Variants in RNF216 observed in about 807,000 individuals in gnomAD.
The protein encoded by RNF216 is E3 ubiquitin-protein ligase RNF216.
Under a neutral mutation model 110.8 loss-of-function variants are expected in RNF216, and 72 were observed. The ratio of observed to expected loss-of-function variants is 0.65; its 90% confidence interval spans 0.54 to 0.79. The LOEUF is 0.79. Ranked by LOEUF, RNF216 falls within the 30% of genes least tolerant of loss-of-function variation. RNF216 has a pLI of 0.00. For synonymous variants in RNF216, 495 were observed against 407.5 expected (o/e 1.21, Z -2.59); for missense variants, 1,342 against 1,141.2 (o/e 1.18, Z -2.54).
chr7:5,768,468 G>C (rs1478565147), intron 1 of RNF216, among the ~76,000 whole-genome samples: 3 of 150,752 alleles, frequency 2.0e-5, no homozygotes, highest in African/African-American at 7.3e-5. Flanking sequence ...TACTATCAAA[G>C]AGCTTGACCT....
At chr7:5,745,161 T>C (rs1381024240) in intron 3 of RNF216, among the ~76,000 whole-genome samples, 1 of 152,070 alleles carries the variant, frequency 6.6e-6, no homozygotes. Context: ...ACTACTACAT[T>C]ACAATGCCAC....
intron 13 of RNF216, among the ~76,000 whole-genome samples, chr7:5,653,889 C>G (rs902459750): frequency 4.6e-5 from 7 of 152,164 alleles, no homozygotes; most frequent in Non-Finnish European, 1.0e-4. Context: ...ATGTTCAGTT[C>G]CTATGGCTGG....
At chr7:5,683,034 G>A (rs1040153806) in intron 13 of RNF216, among the ~76,000 whole-genome samples, 1 of 152,144 alleles carries the variant, frequency 6.6e-6, no homozygotes, top group African/African-American at 2.4e-5. Context: ...CCTTAAGAAT[G>A]CAGAAAGTGC....
chr7:5,727,613 T>TC (rs1306708221), intron 7 of RNF216, among the ~76,000 whole-genome samples: 2 of 152,036 alleles, frequency 1.3e-5, no homozygotes, highest in Non-Finnish European at 2.9e-5. Context: ...GCACCTGTAG[T>TC]CCTAGCTACA....
chr7:5,720,540 C>T (rs1793353921), intron 9 of RNF216, among the ~76,000 whole-genome samples: 1 of 152,102 alleles, frequency 6.6e-6, no homozygotes. Flanking sequence ...CTTTCAGCTG[C>T]ACAGGGGGAA....
At chr7:5,676,684 G>A (rs1790319159) in intron 13 of RNF216, among the ~76,000 whole-genome samples, 1 of 152,184 alleles carries the variant, frequency 6.6e-6, no homozygotes, top group African/African-American at 2.4e-5. Flanking sequence ...GAAAAGTCTG[G>A]GCCCCCTATG....
chr7:5,632,134 A>G (rs1446637757), intron 15 of RNF216, among the ~76,000 whole-genome samples: 2 of 152,218 alleles, frequency 1.3e-5, no homozygotes, highest in Non-Finnish European at 1.5e-5. Context: ...ACAGCGGTCT[A>G]TAGAGGTTCA....
At chr7:5,768,665 GTT>G (rs550374815) in intron 1 of RNF216, among the ~76,000 whole-genome samples, 2 of 141,060 alleles carry the variant, frequency 1.4e-5, no homozygotes, top group Admixed American at 7.1e-5. Context: ...AAGCAACTTT[GTT>G]TTTTTTTTTT....
rs199612178 is a variant in RNF216 at position 5,623,087 on chromosome 7, G to C, written c.2545C>G (p.Leu849Val). The change falls in exon 17 of 17, where the codon CTG becomes GTG. Residue 849 changes from leucine (L) to valine (V), a missense_variant. By Grantham distance (32) the Leu-to-Val change is conservative. Transcript: ENST00000389902. ...EALPRPVPQN[L>V]PQPQMPPYAF... ...TAGGGTGGCATCTGTGGCTGTGGCA[G>C]GTTCTGCGGAACGGGCCTCGGGAGG... 5.6e-6 allele frequency: 9 copies of C among 1,611,680 alleles called. No homozygotes were observed. The highest frequency in any genetic ancestry group is 1.6e-4 in the Middle Eastern group (1 of 6,072).
At chr7:5,760,429 T>C in intron 2 of RNF216, 2 of 372,886 alleles carry the variant, frequency 5.4e-6, no homozygotes, top group Non-Finnish European at 1.1e-5. Flanking sequence ...GACCGGAGAA[T>C]CATTTGAACC....
intron 13 of RNF216, among the ~76,000 whole-genome samples, chr7:5,701,112 C>G (rs537546408): frequency 2.5e-4 from 38 of 152,312 alleles, no homozygotes; most frequent in African/African-American, 8.4e-4. Flanking sequence ...ACACACACGA[C>G]AGCCTCCCCC....
chr7:5,767,411 T>G (rs1162005972), intron 1 of RNF216, among the ~76,000 whole-genome samples: 1 of 152,006 alleles, frequency 6.6e-6, no homozygotes, highest in African/African-American at 2.4e-5. Context: ...TAGCTGAGAC[T>G]TAAGGGACAA....
chr7:5,623,237 A>G (rs1018270042), intron 16 of RNF216, 58 bp from the exon 17 acceptor site: 3 of 1,489,090 alleles, frequency 2.0e-6, no homozygotes, highest in African/African-American at 2.8e-5. Flanking sequence ...AATGGAATCT[A>G]GCCTGGGACC....
At chr7:5,699,338 C>A (rs1435059946) in intron 13 of RNF216, among the ~76,000 whole-genome samples, 1 of 152,140 alleles carries the variant, frequency 6.6e-6, no homozygotes, top group Admixed American at 6.5e-5. Flanking sequence ...CAATGAGAAA[C>A]CCTGGATTTG....
intron 13 of RNF216, among the ~76,000 whole-genome samples, chr7:5,706,539 C>A (rs1792301463): frequency 6.6e-6 from 1 of 152,180 alleles, no homozygotes; most frequent in South Asian, 2.1e-4. Flanking sequence ...GGTGGTTTAT[C>A]TGTGTTGTTA....
intron 8 of RNF216, among the ~76,000 whole-genome samples, chr7:5,722,004 C>T (rs1793457343): frequency 6.6e-6 from 1 of 152,202 alleles, no homozygotes; most frequent in African/African-American, 2.4e-5. Context: ...ATCACTGCAG[C>T]CTCAACTCCT....
At chr7:5,639,615 C>A (rs1010287473) in intron 15 of RNF216, among the ~76,000 whole-genome samples, 2 of 151,968 alleles carry the variant, frequency 1.3e-5, no homozygotes, top group African/African-American at 4.8e-5. Context: ...CATCCAACAC[C>A]ATGCCCGGCT....
intron 15 of RNF216, among the ~76,000 whole-genome samples, chr7:5,634,755 C>G (rs1314627972): frequency 6.6e-6 from 1 of 152,218 alleles, no homozygotes; most frequent in East Asian, 1.9e-4. Flanking sequence ...AAGTGCTCAC[C>G]CAGGGGCCTG....
In RNF216 at chr7:5,752,834, A is replaced by G. The variant is rs1408950644; in HGVS notation, c.201+12T>C. 1 of 1,608,266 alleles carries G rather than the reference A, an allele frequency of 6.2e-7. No homozygotes were observed. The highest frequency in any genetic ancestry group is 1.3e-5 in the African/African-American group (1 of 74,752). On this transcript the variant is annotated intron_variant, in intron 3 of 16. Coordinates refer to ENST00000389902, the MANE Select transcript of RNF216 (RefSeq NM_207111.4). ...GCAATAATGTCTCATTGTAAGTTTAAAGAAAACTCACTTCTGTCAGGATGA... is the reference window on the plus strand; with the variant it reads ...GCAATAATGTCTCATTGTAAGTTTAGAGAAAACTCACTTCTGTCAGGATGA...
Sources: allele counts gnomAD v4.1 joint callset (sites outside exome capture counted in the v4.1 genomes callset), GRCh38; gene constraint gnomAD v4.1.1; transcripts MANE v1.5; gene names NCBI Gene and HGNC (gene_info 2026-07-23, HGNC 2026-07-21).